Variants in TAFA4 observed in about 807,000 individuals in gnomAD.
TAFA4 encodes TAFA chemokine like family member 4, also known as chemokine-like protein TAFA-4.
In TAFA4, 20 loss-of-function variants were observed where a neutral mutation model predicts 21.1. The ratio of observed to expected loss-of-function variants is 0.95; its 90% CI spans 0.67 to 1.38. The LOEUF is 1.38. TAFA4 is among the 40% of genes most tolerant of loss of function. The probability of loss-of-function intolerance (pLI) is 0.00; values close to 1 mark genes in which losing one functional copy is unlikely to be tolerated. For synonymous variants in TAFA4, 71 were observed against 67.4 expected, an observed-to-expected ratio of 1.05 and a Z score of -0.26; for missense variants, 211 against 180.9, an observed-to-expected ratio of 1.17 and a Z score of -0.95.
chr3:68,738,295 T>G (rs1420076911), intron 5 of TAFA4, among the ~76,000 whole-genome samples: 1 of 152,180 alleles, frequency 6.6e-6, no homozygotes, highest in African/African-American at 2.4e-5. Flanking sequence ...TTTGGCCATG[T>G]TACACATTAA....
intron 3 of TAFA4, among the ~76,000 whole-genome samples, chr3:68,824,907 T>G (rs1704192924): frequency 6.6e-6 from 1 of 152,174 alleles, no homozygotes; most frequent in African/African-American, 2.4e-5. Flanking sequence ...CTTTAATTTC[T>G]CAACTCGCTG....
chr3:68,746,766 CA>C (rs1702466283), intron 4 of TAFA4, among the ~76,000 whole-genome samples: 1 of 152,184 alleles, frequency 6.6e-6, no homozygotes, highest in Non-Finnish European at 1.5e-5. Context: ...AGTACACATA[CA>C]CTGATCTTTT....
chr3:68,900,361 A>C (rs2089834220), intron 1 of TAFA4, among the ~76,000 whole-genome samples: 1 of 151,724 alleles, frequency 6.6e-6, no homozygotes, highest in Non-Finnish European at 1.5e-5. Flanking sequence ...AACTGGGGCC[A>C]GAAGGAACAG....
chr3:68,743,531 G>A (rs980600203), intron 4 of TAFA4, among the ~76,000 whole-genome samples: 6 of 149,548 alleles, frequency 4.0e-5, no homozygotes, highest in Non-Finnish European at 5.9e-5. Context: ...AGCCGAGATC[G>A]CGCCACTGCA....
At chr3:68,744,304 G>A (rs925573963) in intron 4 of TAFA4, among the ~76,000 whole-genome samples, 10 of 152,194 alleles carry the variant, frequency 6.6e-5, no homozygotes, top group Admixed American at 6.5e-4. Flanking sequence ...GGAAGCCCTG[G>A]ACACCCAGAT....
In TAFA4 at chr3:68,733,035, T is replaced by A; in HGVS notation, c.*107A>T. 6.8e-7 allele frequency: 1 copy of A among 1,465,204 alleles called. No homozygotes were observed. Among genetic ancestry groups the A allele is most frequent in the Non-Finnish European group, 9.4e-7 (1 of 1,060,812 alleles). 90.8% of individuals were successfully genotyped at this position (1,465,204 alleles called of 1,614,324 possible). A position where few individuals can be genotyped will look rare whatever the true frequency, so the allele number is the denominator to read the frequency against. On this transcript the variant is annotated 3_prime_UTR_variant, in exon 6 of 6. Transcript: ENST00000295569. ...CAGCTCACATATACAAATATGAAGT[T>A]GCTGAAATCCTAGACAATTTTCTGC... is the stretch of plus-strand genomic sequence containing the variant.
At chr3:68,783,125 T>TCTCTTCAA (rs2106799322) in intron 3 of TAFA4, among the ~76,000 whole-genome samples, 2 of 151,858 alleles carry the variant, frequency 1.3e-5, no homozygotes, top group Non-Finnish European at 2.9e-5. Flanking sequence ...TAGAAGGAAA[T>TCTCTTCAA]CTCTTCAACC....
At chr3:68,882,744 C>T (rs907358377) in intron 2 of TAFA4, among the ~76,000 whole-genome samples, 4 of 152,194 alleles carry the variant, frequency 2.6e-5, no homozygotes, top group African/African-American at 9.7e-5. Context: ...TTGATAATAG[C>T]ATCTAGAACT....
At chr3:68,795,522 C>T (rs1364251775) in intron 3 of TAFA4, among the ~76,000 whole-genome samples, 1 of 152,166 alleles carries the variant, frequency 6.6e-6, no homozygotes, top group Non-Finnish European at 1.5e-5. Context: ...CCAGTTAGGG[C>T]TAACTCAGGG....
At chr3:68,762,542 C>T (rs932306572) in intron 3 of TAFA4, among the ~76,000 whole-genome samples, 3 of 152,140 alleles carry the variant, frequency 2.0e-5, no homozygotes, top group Non-Finnish European at 4.4e-5. Flanking sequence ...GTTTTTGATA[C>T]AGCCGATGGT....
chr3:68,829,821 CT>C (rs1704339839), intron 3 of TAFA4, among the ~76,000 whole-genome samples: 1 of 152,050 alleles, frequency 6.6e-6, no homozygotes, highest in Non-Finnish European at 1.5e-5. Flanking sequence ...CGGTCCTGGA[CT>C]TTTTTTGGTT....
chr3:68,792,752 G>C, intron 3 of TAFA4, among the ~76,000 whole-genome samples: 1 of 152,110 alleles, frequency 6.6e-6, no homozygotes, highest in East Asian at 1.9e-4. Context: ...TTTCATCTAA[G>C]ATCTTTTCAA....
chr3:68,871,618 T>C (rs1013405077), intron 3 of TAFA4, among the ~76,000 whole-genome samples: 2 of 151,996 alleles, frequency 1.3e-5, no homozygotes, highest in Non-Finnish European at 2.9e-5. Flanking sequence ...AGATAACCTA[T>C]GAAAAGGCCA....
At chr3:68,747,117 G>A (rs1230259794) in intron 4 of TAFA4, among the ~76,000 whole-genome samples, 1 of 152,148 alleles carries the variant, frequency 6.6e-6, no homozygotes, top group Non-Finnish European at 1.5e-5. Flanking sequence ...CCTGCTCAAA[G>A]CTCTTACTTA....
At chr3:68,798,609 A>G (rs772406467) in intron 3 of TAFA4, among the ~76,000 whole-genome samples, 17 of 152,210 alleles carry the variant, frequency 1.1e-4, no homozygotes, top group Non-Finnish European at 2.2e-4. Context: ...ACAAAAATAT[A>G]AAATCATTTG....
chr3:68,881,742 G>A (rs2089620687), intron 2 of TAFA4, among the ~76,000 whole-genome samples: 1 of 152,234 alleles, frequency 6.6e-6, no homozygotes, highest in South Asian at 2.1e-4. Context: ...ATATGCAAAT[G>A]TATACACACT....
rs1302042570 is a variant in TAFA4 at position 68,883,594 on chromosome 3, C to A, written c.14+1581G>T. ...ATTTAAAATAATGTCCCACTGTTGG[C>A]AATAATTGAATGAAATATCTCTAAT... On this transcript the variant is annotated intron_variant, in intron 2 of 5. Coordinates refer to ENST00000295569, the MANE Select transcript of TAFA4 (RefSeq NM_182522.5). 2.6e-5 allele frequency among the ~76,000 whole-genome samples: 4 copies of A among 152,050 alleles called. No individual in the cohort carries two copies. In the East Asian group the frequency reaches 7.7e-4, roughly 29 times the overall value.
intron 4 of TAFA4, among the ~76,000 whole-genome samples, chr3:68,745,024 G>C (rs1324216136): frequency 6.6e-6 from 1 of 152,154 alleles, no homozygotes. Context: ...GTTTCTTTGT[G>C]AAAGGCTTTA....
At chr3:68,758,789 G>A (rs543283400) in intron 3 of TAFA4, among the ~76,000 whole-genome samples, 11 of 152,282 alleles carry the variant, frequency 7.2e-5, no homozygotes, top group South Asian at 2.1e-4. Context: ...TGTGAATGGC[G>A]CATAGAAATT....
Sources: allele counts gnomAD v4.1 joint callset (sites outside exome capture counted in the v4.1 genomes callset), GRCh38; gene constraint gnomAD v4.1.1; transcripts MANE v1.5; gene names NCBI Gene and HGNC (gene_info 2026-07-23, HGNC 2026-07-21).